The following SCAI variants were observed in gnomAD, a reference collection of about 807,000 sequenced individuals.
The protein encoded by SCAI is protein SCAI.
In SCAI, 24 loss-of-function variants were observed where a neutral mutation model predicts 92.2. The observed-to-expected ratio is 0.26, with a 90% confidence interval of 0.19 to 0.37. The LOEUF (loss-of-function observed/expected upper bound fraction) is 0.37, where lower values mean the gene tolerates loss of function less well. SCAI is among the 10% of genes least tolerant of loss of function. The pLI, the probability that SCAI is intolerant of heterozygous loss-of-function variation, is 1.00. For missense variants in SCAI, 450 were observed against 736.2 expected, an observed-to-expected ratio of 0.61 and a Z score of 4.50; for synonymous variants, 261 against 258.6, an observed-to-expected ratio of 1.01 and a Z score of -0.09.
intron 14 of SCAI, among the ~76,000 whole-genome samples, chr9:124,991,942 G>A (rs1239280754): frequency 3.3e-5 from 5 of 152,094 alleles, no homozygotes; most frequent in African/African-American, 1.2e-4. Flanking sequence ...TTAGAGATAC[G>A]GTGTTGCTCT....
chr9:124,984,821 T>C (rs573451574), intron 14 of SCAI, among the ~76,000 whole-genome samples: 2 of 152,112 alleles, frequency 1.3e-5, no homozygotes, highest in South Asian at 4.2e-4. Context: ...AGCAAAGCCA[T>C]AAAATCAGCT....
At chr9:125,115,018 C>T (rs985163171) in intron 2 of SCAI, among the ~76,000 whole-genome samples, 6 of 151,966 alleles carry the variant, frequency 3.9e-5, no homozygotes, top group Non-Finnish European at 8.8e-5. Flanking sequence ...GGTGATCTGT[C>T]CACCTCAGCT....
At chr9:125,129,179 G>A (rs140657610) in intron 2 of SCAI, among the ~76,000 whole-genome samples, 146 of 151,926 alleles carry the variant, frequency 9.6e-4, no homozygotes, top group African/African-American at 3.4e-3. Flanking sequence ...TGGCACTCAC[G>A]CCTGTAATCC....
At position 125,027,684 on chromosome 9, in the gene SCAI, C is replaced by T. The variant is rs556178573; in HGVS notation, c.413+708G>A. Among the ~76,000 whole-genome samples the T allele has an allele frequency of 2.0e-5, 3 of 151,964 alleles. 1 individual carries two copies. In the South Asian group the frequency reaches 6.2e-4, roughly 32 times the overall value. On this transcript the variant is annotated intron_variant, in intron 5 of 17. Coordinates refer to ENST00000336505, the MANE Select transcript of SCAI (RefSeq NM_001144877.3). ...TACAGGCACCTGCCACCACACTTGGCTAATTTTTTTGTCTTTTTAGTAGAG... is the reference window on the plus strand; with the variant it reads ...TACAGGCACCTGCCACCACACTTGGTTAATTTTTTTGTCTTTTTAGTAGAG...
chr9:125,003,664 G>A (rs1454444270), intron 9 of SCAI, 94 bp from the exon 10 acceptor site: 11 of 754,916 alleles, frequency 1.5e-5, no homozygotes, highest in Middle Eastern at 2.3e-4. Flanking sequence ...ACTTTCACAT[G>A]TACTTCAGGG....
intron 2 of SCAI, among the ~76,000 whole-genome samples, chr9:125,065,214 G>GA (rs200848204): frequency 1.9e-4 from 29 of 150,734 alleles, no homozygotes; most frequent in Admixed American, 1.7e-3. Flanking sequence ...ACCCACGGGG[G>GA]AAAAAAAACA....
intron 14 of SCAI, among the ~76,000 whole-genome samples, chr9:124,987,197 T>C (rs924798424): frequency 3.3e-5 from 5 of 152,180 alleles, no homozygotes; most frequent in Non-Finnish European, 5.9e-5. Flanking sequence ...CTAATTTTTG[T>C]ATTTTTAGTA....
intron 2 of SCAI, among the ~76,000 whole-genome samples, chr9:125,092,775 C>T (rs1376997267): frequency 1.3e-5 from 2 of 152,202 alleles, no homozygotes; most frequent in Admixed American, 1.3e-4. Flanking sequence ...TTCTTTCTAG[C>T]TCACATGCTC....
At chr9:125,070,562 C>CTAGTTTTTGTATTTT (rs1315424298) in intron 2 of SCAI, among the ~76,000 whole-genome samples, 1 of 152,096 alleles carries the variant, frequency 6.6e-6, no homozygotes, top group East Asian at 1.9e-4. Flanking sequence ...CCAAACCCAA[C>CTAGTTTTTGTATTTT]TAGTTTTTGT....
At chr9:125,046,306 CATAT>C (rs1343772268) in intron 3 of SCAI, among the ~76,000 whole-genome samples, 1 of 32,842 alleles carries the variant, frequency 3.0e-5, no homozygotes, top group East Asian at 1.3e-3. Flanking sequence ...TGGCCTATCT[CATAT>C]ATATATACAC....
At chr9:125,126,910 C>T (rs1051408829) in intron 2 of SCAI, among the ~76,000 whole-genome samples, 3 of 152,110 alleles carry the variant, frequency 2.0e-5, no homozygotes, top group African/African-American at 4.8e-5. Context: ...GTCCTATTTG[C>T]TTCTTTGCCT....
chr9:125,117,614 C>T (rs959906783), intron 2 of SCAI, among the ~76,000 whole-genome samples: 1 of 131,190 alleles, frequency 7.6e-6, no homozygotes, highest in Non-Finnish European at 1.5e-5. Flanking sequence ...TGCAGTGAGC[C>T]GAGATCACAC....
At chr9:124,994,314 C>A (rs576011750) in intron 14 of SCAI, among the ~76,000 whole-genome samples, 1 of 152,168 alleles carries the variant, frequency 6.6e-6, no homozygotes, top group Non-Finnish European at 1.5e-5. Flanking sequence ...GGATTACAGG[C>A]GTGAGCCACT....
At chr9:125,064,873 T>A (rs749970602) in intron 2 of SCAI, among the ~76,000 whole-genome samples, 32 of 152,016 alleles carry the variant, frequency 2.1e-4, no homozygotes, top group Non-Finnish European at 4.4e-4. Flanking sequence ...AAAAATCCCA[T>A]GTTTGGAAAT....
intron 2 of SCAI, among the ~76,000 whole-genome samples, chr9:125,071,858 A>C (rs1005492172): frequency 2.0e-5 from 3 of 152,202 alleles, no homozygotes; most frequent in African/African-American, 7.2e-5. Flanking sequence ...CACTGGTATA[A>C]TTAGTCCATA....
chr9:125,133,383 C>T (rs977377004), intron 2 of SCAI, among the ~76,000 whole-genome samples: 7 of 151,568 alleles, frequency 4.6e-5, no homozygotes, highest in Admixed American at 1.3e-4. Flanking sequence ...AGTGAGACTT[C>T]GTCTCAAAAA....
intron 9 of SCAI, among the ~76,000 whole-genome samples, chr9:125,018,363 T>C (rs1832804518): frequency 6.6e-6 from 1 of 152,114 alleles, no homozygotes; most frequent in South Asian, 2.1e-4. Context: ...CCCAAAGTGC[T>C]GAGATTCCAG....
rs993020092 is a variant in SCAI, at chr9:124,952,423, T to A, written c.*384A>T. The A allele has an allele frequency of 1.2e-5, 2 of 160,294 alleles. No homozygotes were observed. The highest frequency in any genetic ancestry group is 4.8e-5 in the African/African-American group (2 of 41,538). The allele number at this position is 160,294 out of a possible 1,614,324, so 9.9% of individuals were successfully genotyped here. A position where few individuals can be genotyped will look rare whatever the true frequency, so the allele number is the denominator to read the frequency against. On this transcript the variant is annotated 3_prime_UTR_variant, in exon 18 of 18. Coordinates refer to ENST00000336505, the MANE Select transcript of SCAI (RefSeq NM_001144877.3). ...GGCTAGCTTCATCATTATGAACCAT[T>A]ACATATTTCCAAATCCAGACATTTA...
At chr9:125,047,873 T>A (rs1833478284) in intron 3 of SCAI, among the ~76,000 whole-genome samples, 1 of 152,238 alleles carries the variant, frequency 6.6e-6, no homozygotes, top group Non-Finnish European at 1.5e-5. Context: ...GATCAAATAT[T>A]ATTAAAATTA....
Sources: allele counts gnomAD v4.1 joint callset (sites outside exome capture counted in the v4.1 genomes callset), GRCh38; gene constraint gnomAD v4.1.1; transcripts MANE v1.5; gene names NCBI Gene and HGNC (gene_info 2026-07-23, HGNC 2026-07-21).